Variants in UVRAG observed in about 807,000 individuals in gnomAD.
The protein encoded by UVRAG is UV radiation resistance associated.
In UVRAG, 19 loss-of-function variants were observed where a neutral mutation model predicts 78.0. The ratio of observed to expected loss-of-function variants is 0.24; its 90% CI spans 0.17 to 0.36. The LOEUF is 0.36. Among genes scored for constraint, UVRAG ranks in the 10% least tolerant of loss-of-function variants. UVRAG has a pLI of 1.00. For synonymous variants in UVRAG, 323 were observed against 324.6 expected (o/e 1.00, Z 0.05); for missense variants, 740 against 853.8 (o/e 0.87, Z 1.66).
intron 1 of UVRAG, 23 bp from the exon 2 acceptor site, chr11:75,851,860 T>C (rs765266276): frequency 1.3e-6 from 2 of 1,577,544 alleles, no homozygotes; most frequent in African/African-American, 1.4e-5. Flanking sequence ...GAATGCCTTC[T>C]CTTTTTTGTT....
chr11:75,981,437 ATTTCT>A (rs1392498137), intron 7 of UVRAG, among the ~76,000 whole-genome samples: 110 of 147,530 alleles, frequency 7.5e-4, no homozygotes, highest in Admixed American at 7.3e-3. Context: ...TTTAGCCACT[ATTTCT>A]TTTCTTTTCG....
At chr11:76,117,950 CATATCTGTTAGGGAA>C (rs756195944) in intron 14 of UVRAG, among the ~76,000 whole-genome samples, 8 of 152,202 alleles carry the variant, frequency 5.3e-5, no homozygotes, top group Non-Finnish European at 8.8e-5. Flanking sequence ...AGCTAACCTC[CATATCTGTTAGGGAA>C]ATATCTGTTA....
intron 14 of UVRAG, among the ~76,000 whole-genome samples, chr11:76,140,116 T>C (rs1448075274): frequency 9.7e-4 from 37 of 38,120 alleles, no homozygotes; most frequent in African/African-American, 2.4e-3. Flanking sequence ...TCCCTCCCTC[T>C]CTCTCTCTCT....
Position 76,141,371 on chromosome 11 carries a change from C to G in UVRAG, c.2058C>G (p.Asn686Lys), listed in dbSNP as rs750215089. ...GAAGGATCTATGCACTGAATGAAAA[C>G]GTATCCAGCTTCCGCCGGCCGCGCA... ...FSRRIYALNE[N>K]VSSFRRPRRS... Residue 686 changes from asparagine (N) to lysine (K), a missense_variant, in exon 15 of 15, where the codon AAC becomes AAG. Physicochemically the swap from Asn to Lys is moderately conservative, Grantham distance 94 (BLOSUM62 0). Transcript: ENST00000356136. The G allele has an allele frequency of 1.2e-6, 2 of 1,613,934 alleles. No homozygotes were observed. The highest frequency in any genetic ancestry group is 2.7e-5 in the African/African-American group (2 of 74,946).
intron 1 of UVRAG, among the ~76,000 whole-genome samples, chr11:75,841,588 G>T (rs1945912240): frequency 6.6e-6 from 1 of 152,084 alleles, no homozygotes; most frequent in African/African-American, 2.4e-5. Flanking sequence ...GTACCACAAT[G>T]TAAGAGTGTT....
At chr11:75,964,262 C>T (rs552358883) in intron 7 of UVRAG, among the ~76,000 whole-genome samples, 56 of 152,198 alleles carry the variant, frequency 3.7e-4, no homozygotes, top group Non-Finnish European at 7.1e-4. Context: ...GGCCGCAACT[C>T]ACTTTTGGGA....
chr11:76,069,866 G>A (rs982461253), intron 13 of UVRAG, among the ~76,000 whole-genome samples: 3 of 151,882 alleles, frequency 2.0e-5, no homozygotes, highest in African/African-American at 4.8e-5. Context: ...CAAAGAAGAC[G>A]ACATTCCCAG....
intron 13 of UVRAG, among the ~76,000 whole-genome samples, chr11:76,109,117 A>G (rs1952024750): frequency 6.6e-6 from 1 of 152,182 alleles, no homozygotes; most frequent in Admixed American, 6.5e-5. Context: ...CCAAAGCAAT[A>G]TTTTATTTGC....
At chr11:75,985,099 A>G (rs566329674) in intron 8 of UVRAG, among the ~76,000 whole-genome samples, 4 of 150,394 alleles carry the variant, frequency 2.7e-5, no homozygotes, top group African/African-American at 9.8e-5. Context: ...GTGCCAGTTT[A>G]TCTCCCCTCT....
Position 75,964,802 on chromosome 11 carries a change from G to C in UVRAG, c.699+3253G>C, listed in dbSNP as rs1052537795. The stretch of plus-strand genomic sequence containing the variant: ...CATTGTTTTGTATCACGTACGTAAG[G>C]GTAATTTTTTCCCCCTGCATGGATA... On this transcript the variant is annotated intron_variant, in intron 7 of 14. Transcript: ENST00000356136. 2.6e-5 allele frequency among the ~76,000 whole-genome samples: 4 copies of C among 152,192 alleles called. No individual in the cohort carries two copies. The South Asian group carries it at 6.2e-4, about 24-fold the overall frequency.
At chr11:75,926,167 C>T (rs1340402193) in intron 6 of UVRAG, among the ~76,000 whole-genome samples, 2 of 152,120 alleles carry the variant, frequency 1.3e-5, no homozygotes, top group African/African-American at 4.8e-5. Context: ...TTAATATACT[C>T]CTCACCTTGT....
intron 5 of UVRAG, among the ~76,000 whole-genome samples, chr11:75,906,136 C>G (rs1055151632): frequency 6.6e-6 from 1 of 152,064 alleles, no homozygotes; most frequent in Non-Finnish European, 1.5e-5. Flanking sequence ...TATTTTCTCC[C>G]ATTCTGTTGG....
intron 6 of UVRAG, among the ~76,000 whole-genome samples, chr11:75,933,089 A>G (rs570182931): frequency 6.6e-6 from 1 of 152,342 alleles, no homozygotes; most frequent in Non-Finnish European, 1.5e-5. Flanking sequence ...CAGGAATCAC[A>G]TTACCTGACT....
chr11:75,992,744 T>G (rs1047155171), intron 8 of UVRAG, among the ~76,000 whole-genome samples: 1 of 152,242 alleles, frequency 6.6e-6, no homozygotes, highest in Non-Finnish European at 1.5e-5. Flanking sequence ...ATTATATGCT[T>G]GTGTTGAACA....
chr11:75,966,660 G>A (rs1437146183), intron 7 of UVRAG, among the ~76,000 whole-genome samples: 2 of 152,048 alleles, frequency 1.3e-5, no homozygotes, highest in Admixed American at 6.6e-5. Context: ...TTCATATATT[G>A]GGTAATACTG....
chr11:75,890,110 C>T (rs368184030), intron 5 of UVRAG, among the ~76,000 whole-genome samples: 2 of 152,110 alleles, frequency 1.3e-5, no homozygotes, highest in East Asian at 3.9e-4. Context: ...GAGTGATACC[C>T]GATGGGGCTG....
At chr11:76,003,976 T>C (rs763048787) in intron 8 of UVRAG, 29 bp from the exon 9 acceptor site, 1 of 1,591,568 alleles carries the variant, frequency 6.3e-7, no homozygotes, top group South Asian at 1.1e-5. Context: ...ATGTTACATA[T>C]GGAATTATCT....
At chr11:75,918,920 C>T (rs1226519028) in intron 6 of UVRAG, among the ~76,000 whole-genome samples, 4 of 152,116 alleles carry the variant, frequency 2.6e-5, no homozygotes, top group African/African-American at 7.2e-5. Context: ...TTTCTTTCAG[C>T]CCCTGCTCTC....
At chr11:76,109,209 A>C (rs1331050254) in intron 13 of UVRAG, among the ~76,000 whole-genome samples, 1 of 152,136 alleles carries the variant, frequency 6.6e-6, no homozygotes, top group Admixed American at 6.6e-5. Flanking sequence ...TGGGATTGAT[A>C]ATAGTTGGTG....
Sources: allele counts gnomAD v4.1 joint callset (sites outside exome capture counted in the v4.1 genomes callset), GRCh38; gene constraint gnomAD v4.1.1; transcripts MANE v1.5; gene names NCBI Gene and HGNC (gene_info 2026-07-23, HGNC 2026-07-21).